The following ABCG5 variants were observed in gnomAD, a reference collection of about 807,000 sequenced individuals.
The protein encoded by ABCG5 is ATP-binding cassette sub-family G member 5.
In ABCG5, 64 loss-of-function variants were observed where a neutral mutation model predicts 64.5. The ratio of observed to expected loss-of-function variants is 0.99; its 90% CI spans 0.81 to 1.22. ABCG5 has a LOEUF of 1.22. Ranked by LOEUF, ABCG5 falls within the 50% of genes most tolerant of loss-of-function variation. ABCG5 has a pLI of 0.00. For missense variants in ABCG5, 908 were observed against 829.5 expected, an observed-to-expected ratio of 1.09 and a Z score of -1.16; for synonymous variants, 385 against 326.3, an observed-to-expected ratio of 1.18 and a Z score of -1.94.
rs750285438 is a variant in ABCG5, at chr2:43,813,244, C to T, written c.1828G>A (p.Glu610Lys). 1 of 1,613,922 alleles carries T rather than the reference C, an allele frequency of 6.2e-7. No homozygotes were observed. The highest frequency in any genetic ancestry group is 8.5e-7 in the Non-Finnish European group (1 of 1,179,930). ...GATGTTGCACCTGGGCAGGTTTTCT[C>T]AATGAATTGAATTCCTTGAGTGAAG... The part of the protein sequence containing the change: ...CAFTQGIQFI[E>K]KTCPGATSRF... The change falls in exon 13 of 13, where the codon GAG becomes AAG. Residue 610 changes from glutamate to lysine, a missense_variant. By Grantham distance (56) the Glu-to-Lys change is moderately conservative. Coordinates refer to ENST00000405322, the MANE Select transcript of ABCG5 (RefSeq NM_022436.3).
chr2:43,838,942 G>A, upstream of ABCG5: 2 of 1,282,408 alleles, frequency 1.6e-6, no homozygotes, highest in Non-Finnish European at 2.2e-6. The surrounding 1 kb of genome is among the most constrained non-coding windows in gnomAD (Gnocchi z 4.2). Context: ...CGGGCCCAGG[G>A]CAGGAGGCCG....
chr2:43,833,869 A>C (rs959828145), intron 2 of ABCG5, among the ~76,000 whole-genome samples: 9 of 151,968 alleles, frequency 5.9e-5, no homozygotes, highest in African/African-American at 2.2e-4. Context: ...ATTTTTGTAG[A>C]GACGGGGTTT....
At chr2:43,827,585 A>T (rs1258940120) in intron 5 of ABCG5, among the ~76,000 whole-genome samples, 2 of 152,090 alleles carry the variant, frequency 1.3e-5, no homozygotes, top group Non-Finnish European at 2.9e-5. Context: ...TGAGTTTATC[A>T]TTCAAATTCC....
chr2:43,829,539 T>C (rs4148181), intron 4 of ABCG5, among the ~76,000 whole-genome samples: 68,659 of 152,010 alleles, frequency 0.45, 16,409 homozygotes, highest in East Asian at 0.82. Context: ...AATTCTTTAC[T>C]GAATTTCTAA....
intron 9 of ABCG5, among the ~76,000 whole-genome samples, chr2:43,823,150 A>C (rs1451709122): frequency 6.6e-6 from 1 of 152,192 alleles, no homozygotes; most frequent in Non-Finnish European, 1.5e-5. Context: ...ACAATTGCAA[A>C]AGATGTCATT....
chr2:43,812,419 A>G (rs1043587059), downstream of ABCG5: 3 of 151,774 alleles, frequency 2.0e-5, no homozygotes, highest in African/African-American at 7.3e-5. Context: ...AAAGTGAAAA[A>G]TAGCAAACGA....
At chr2:43,833,583 A>C (rs1026895533) in intron 2 of ABCG5, among the ~76,000 whole-genome samples, 2 of 151,850 alleles carry the variant, frequency 1.3e-5, no homozygotes, top group African/African-American at 4.8e-5. Context: ...ATGGGGTTTC[A>C]CTGCATTAGC....
intron 2 of ABCG5, 139 bp downstream of exon 2, chr2:43,837,695 G>A (rs548456987): frequency 7.7e-6 from 9 of 1,162,270 alleles, no homozygotes; most frequent in Non-Finnish European, 1.0e-5. Flanking sequence ...ATTGGTAGCA[G>A]TTCCATTCAC....
intron 4 of ABCG5, 108 bp downstream of exon 4, chr2:43,831,661 G>A: frequency 8.9e-7 from 1 of 1,126,632 alleles, no homozygotes; most frequent in Non-Finnish European, 1.3e-6. Context: ...TAGAGTGAAG[G>A]AGTGACGAGC....
intron 2 of ABCG5, among the ~76,000 whole-genome samples, chr2:43,834,850 A>G (rs1668162225): frequency 6.6e-6 from 1 of 152,220 alleles, no homozygotes; most frequent in Non-Finnish European, 1.5e-5. Flanking sequence ...GCTTTAGACT[A>G]TACTCTAGTG....
chr2:43,835,294 G>A (rs1393193759), intron 2 of ABCG5, among the ~76,000 whole-genome samples: 4 of 142,728 alleles, frequency 2.8e-5, no homozygotes, highest in Admixed American at 6.7e-5. Context: ...CTTCTGAGAT[G>A]GGGGGTTCCA....
chr2:43,806,551 C>G, the ABCG5 span, among the ~76,000 whole-genome samples: 1 of 152,022 alleles, frequency 6.6e-6, no homozygotes, highest in African/African-American at 2.4e-5. Flanking sequence ...CTTATGTAAC[C>G]CTTATTATGT....
intron 11 of ABCG5, among the ~76,000 whole-genome samples, chr2:43,815,005 G>A (rs920958521): frequency 1.3e-5 from 2 of 152,138 alleles, no homozygotes; most frequent in African/African-American, 2.4e-5. Flanking sequence ...TCAAGTAGAC[G>A]ATTACTGTCT....
At chr2:43,837,242 C>G (rs1485042947) in intron 2 of ABCG5, among the ~76,000 whole-genome samples, 1 of 151,832 alleles carries the variant, frequency 6.6e-6, no homozygotes, top group Admixed American at 6.6e-5. Context: ...ACCTCAGCCT[C>G]CCAAGTAGCT....
chr2:43,814,330 C>G, intron 12 of ABCG5, 147 bp downstream of exon 12: 3 of 629,054 alleles, frequency 4.8e-6, no homozygotes. Context: ...TCTTAAAAAT[C>G]AGAGAAAATG....
At chr2:43,829,640 C>T (rs1667844962) in intron 4 of ABCG5, among the ~76,000 whole-genome samples, 3 of 152,088 alleles carry the variant, frequency 2.0e-5, no homozygotes, top group African/African-American at 7.2e-5. Flanking sequence ...TGTTTCTGTC[C>T]CCCTGTACTG....
At chr2:43,810,722 C>G, downstream of ABCG5, among the ~76,000 whole-genome samples, 1 of 152,060 alleles carries the variant, frequency 6.6e-6, no homozygotes. Flanking sequence ...GTTCTGACAC[C>G]CTTGAGAACA....
At chr2:43,834,216 G>A (rs988425039) in intron 2 of ABCG5, among the ~76,000 whole-genome samples, 4 of 152,214 alleles carry the variant, frequency 2.6e-5, no homozygotes, top group Admixed American at 1.3e-4. Context: ...TTTCCCAGTC[G>A]TGTGGTTCTT....
At chr2:43,832,241 C>T in intron 2 of ABCG5, 158 bp from the exon 3 acceptor site, 1 of 992,820 alleles carries the variant, frequency 1.0e-6, no homozygotes, top group Middle Eastern at 2.3e-4. Context: ...ACAGGCCCTG[C>T]CCTATGGAAC....
Sources: allele counts gnomAD v4.1 joint callset (sites outside exome capture counted in the v4.1 genomes callset), GRCh38; gene constraint gnomAD v4.1.1; non-coding constraint Gnocchi (gnomAD v3.1); transcripts MANE v1.5; gene names NCBI Gene and HGNC (gene_info 2026-07-23, HGNC 2026-07-21).